The following WDR64 variants were observed in gnomAD, a reference collection of about 807,000 sequenced individuals.
WDR64 encodes the protein WD repeat-containing protein 64.
Under a neutral mutation model 139.3 loss-of-function variants are expected in WDR64, and 112 were observed. The ratio of observed to expected loss-of-function variants is 0.80; its 90% CI spans 0.69 to 0.94. The LOEUF (loss-of-function observed/expected upper bound fraction) is 0.94, where lower values mean the gene tolerates loss of function less well. Among genes scored for constraint, WDR64 ranks in the 40% least tolerant of loss-of-function variants. The pLI, the probability that WDR64 is intolerant of heterozygous loss-of-function variation, is 0.00. For missense variants in WDR64, 1,206 were observed against 1,293.1 expected, an observed-to-expected ratio of 0.93 and a Z score of 1.03; for synonymous variants, 444 against 437.7, an observed-to-expected ratio of 1.01 and a Z score of -0.18.
At chr1:241,773,154 A>C (rs1658524962) in intron 20 of WDR64, among the ~76,000 whole-genome samples, 1 of 152,204 alleles carries the variant, frequency 6.6e-6, no homozygotes, top group South Asian at 2.1e-4. Flanking sequence ...CTGCTAACTT[A>C]GCTATTTCAA....
At chr1:241,788,327 G>T (rs925395090) in intron 24 of WDR64, among the ~76,000 whole-genome samples, 2 of 152,226 alleles carry the variant, frequency 1.3e-5, no homozygotes, top group African/African-American at 4.8e-5. Flanking sequence ...CATAGGGGAG[G>T]AAGGATAGAG....
rs1262810497 is a variant in WDR64, at chr1:241,769,573, C to A, written c.2183+68C>A. The stretch of plus-strand genomic sequence containing the variant: ...AGGTGGCTGATACATTAGGTTGATG[C>A]AAAATTAATTGTGGTTTTTGCCATT... On this transcript the variant is annotated intron_variant, in intron 17 of 27. Transcript: ENST00000437684. 6.7e-6 allele frequency: 9 copies of A among 1,334,268 alleles called. No individual in the cohort carries two copies. In the East Asian group the frequency reaches 2.0e-4, roughly 30 times the overall value. The allele number at this position is 1,334,268 out of a possible 1,614,324, so 82.7% of individuals were successfully genotyped here.
At chr1:241,730,105 A>G (rs576064761) in intron 10 of WDR64, among the ~76,000 whole-genome samples, 1 of 152,350 alleles carries the variant, frequency 6.6e-6, no homozygotes, top group East Asian at 1.9e-4. Flanking sequence ...AAGAAAAAAT[A>G]AAAACTAAGA....
chr1:241,783,197 AATG>A, intron 22 of WDR64, 72 bp from the exon 23 acceptor site: 1 of 1,301,598 alleles, frequency 7.7e-7, no homozygotes, highest in Non-Finnish European at 1.1e-6. Flanking sequence ...CTCAATGAGA[AATG>A]ATTTTGTTGA....
chr1:241,669,150 G>A (rs868701879), intron 2 of WDR64, among the ~76,000 whole-genome samples: 3 of 152,068 alleles, frequency 2.0e-5, no homozygotes, highest in Non-Finnish European at 4.4e-5. Flanking sequence ...AAAATTCAAA[G>A]GTTTGTTCTT....
intron 8 of WDR64, among the ~76,000 whole-genome samples, chr1:241,707,418 T>C (rs895887261): frequency 6.6e-6 from 1 of 152,190 alleles, no homozygotes; most frequent in South Asian, 2.1e-4. Flanking sequence ...TTCTTTGATA[T>C]GAAAAACTAA....
In WDR64 at chr1:241,656,337, G is replaced by C. The variant is rs544786235; in HGVS notation, c.145+3708G>C. 3.2e-4 allele frequency among the ~76,000 whole-genome samples: 49 copies of C among 152,334 alleles called. No homozygotes were observed. The highest frequency in any genetic ancestry group is 3.4e-3 in the Middle Eastern group (1 of 294). On this transcript the variant is annotated intron_variant, in intron 1 of 27. Transcript: ENST00000437684. The surrounding 1 kb of genome is among the most constrained non-coding windows in gnomAD (Gnocchi z 4.3). Reference sequence around the variant, plus strand: ...GGGTCTGCCTCAGAAATGATATCAAGTAGATTGAAGGAATTTGTTCAAAAG... The same window carrying C: ...GGGTCTGCCTCAGAAATGATATCAACTAGATTGAAGGAATTTGTTCAAAAG...
chr1:241,730,729 G>A (rs1205998203), intron 10 of WDR64, among the ~76,000 whole-genome samples: 1 of 152,184 alleles, frequency 6.6e-6, no homozygotes, highest in Non-Finnish European at 1.5e-5. Flanking sequence ...ATGCTTGAGA[G>A]TGCATTAGGC....
chr1:241,655,220 T>C (rs1330000565), intron 1 of WDR64, among the ~76,000 whole-genome samples: 2 of 152,064 alleles, frequency 1.3e-5, no homozygotes, highest in African/African-American at 4.8e-5. Context: ...CTGTCTCTAC[T>C]AAAAATACAA....
At position 241,687,544 on chromosome 1, in the gene WDR64, A is replaced by G; in HGVS notation, c.923A>G (p.Asp308Gly). The G allele has an allele frequency of 1.9e-6, 3 of 1,613,718 alleles. No individual in the cohort carries two copies. The highest frequency in any genetic ancestry group is 2.5e-6 in the Non-Finnish European group (3 of 1,179,738). ...AATTGTTTTGGATCCTGCTCCTTAG[A>G]CAGTAATCATTCATTAGTTTTGGAA... ...ALNCFGSCSLDSNHSLVLESL... is the reference protein window; with the variant it reads ...ALNCFGSCSLGSNHSLVLESL... Residue 308 changes from aspartate to glycine, a missense_variant, in exon 8 of 28, where the codon GAC becomes GGC. Asp to Gly is a moderately conservative substitution (Grantham distance 94, BLOSUM62 -1). Coordinates refer to ENST00000437684, the MANE Select transcript of WDR64 (RefSeq NM_001367482.1).
intron 15 of WDR64, among the ~76,000 whole-genome samples, chr1:241,763,162 GA>G (rs1657998996): frequency 6.6e-6 from 1 of 151,896 alleles, no homozygotes; most frequent in Non-Finnish European, 1.5e-5. Flanking sequence ...AAAACAGAAA[GA>G]AGATGACTGC....
At chr1:241,705,542 TAAAA>T (rs1433451059) in intron 8 of WDR64, among the ~76,000 whole-genome samples, 1,055 of 66,372 alleles carry the variant, frequency 0.016, 19 homozygotes, top group African/African-American at 0.058. Context: ...ACTCTGTCTC[TAAAA>T]AAATAAATAA....
At chr1:241,783,172 C>A in intron 22 of WDR64, 100 bp from the exon 23 acceptor site, 1 of 972,408 alleles carries the variant, frequency 1.0e-6, no homozygotes, top group Non-Finnish European at 1.6e-6. Context: ...CTACATCTTC[C>A]ACTCATAAGC....
intron 10 of WDR64, among the ~76,000 whole-genome samples, chr1:241,729,657 C>T (rs1290001516): frequency 1.3e-5 from 2 of 152,140 alleles, no homozygotes; most frequent in East Asian, 3.8e-4. Context: ...CCAAAGCCTT[C>T]ACTAAGATAA....
rs73141064 is a variant in WDR64, at chr1:241,738,516, G to A, written c.1321+27G>A. 0.015 allele frequency: 23,891 copies of A among 1,586,356 alleles called. 3,192 individuals carry two copies. The African/African-American group carries it at 0.29, about 19-fold the overall frequency. On this transcript the variant is annotated intron_variant, in intron 11 of 27. Coordinates refer to ENST00000437684, the MANE Select transcript of WDR64 (RefSeq NM_001367482.1). ...TAAGTGTACCCAATTAATGTCAAAC[G>A]AAACTCATGTCTTGATTTTTAACCT...
At chr1:241,773,017 G>A in intron 20 of WDR64, 86 bp downstream of exon 20, 1 of 1,379,190 alleles carries the variant, frequency 7.3e-7, no homozygotes, top group Non-Finnish European at 9.5e-7. Context: ...TCTTCCATAT[G>A]GCATCCAATT....
At chr1:241,716,307 C>T (rs568008552) in intron 9 of WDR64, among the ~76,000 whole-genome samples, 10 of 145,226 alleles carry the variant, frequency 6.9e-5, no homozygotes, top group Admixed American at 6.2e-4. Flanking sequence ...AAAGCCAAAC[C>T]AGGACAGAGT....
intron 14 of WDR64, among the ~76,000 whole-genome samples, chr1:241,751,855 T>A (rs1355545141): frequency 6.6e-6 from 1 of 152,188 alleles, no homozygotes; most frequent in Non-Finnish European, 1.5e-5. Flanking sequence ...ATTCTTCTCA[T>A]AATCTCAGTT....
chr1:241,677,429 T>C (rs1220597058), intron 4 of WDR64: 5 of 398,512 alleles, frequency 1.3e-5, no homozygotes, highest in Non-Finnish European at 2.2e-5. Flanking sequence ...GTGATCTCTC[T>C]GATCTACTTT....
Sources: allele counts gnomAD v4.1 joint callset (sites outside exome capture counted in the v4.1 genomes callset), GRCh38; gene constraint gnomAD v4.1.1; non-coding constraint Gnocchi (gnomAD v3.1); transcripts MANE v1.5; gene names NCBI Gene and HGNC (gene_info 2026-07-23, HGNC 2026-07-21).